Variants in DPP6 observed in about 807,000 individuals in gnomAD.
The protein encoded by DPP6 is A-type potassium channel modulatory protein DPP6.
DPP6 carries 69 observed loss-of-function variants against 122.6 expected under a neutral mutation model. The ratio of observed to expected loss-of-function variants is 0.56; its 90% CI spans 0.46 to 0.69. DPP6 has a LOEUF of 0.69. DPP6 is among the 30% of genes least tolerant of loss of function. The pLI is 0.00. For synonymous variants in DPP6, 418 were observed against 433.1 expected, an observed-to-expected ratio of 0.97 and a Z score of 0.43; for missense variants, 928 against 1,116.9, an observed-to-expected ratio of 0.83 and a Z score of 2.41.
At position 154,806,875 on chromosome 7, in the gene DPP6, G is replaced by T; in HGVS notation, c.1548-119G>T. 1.3e-5 allele frequency: 18 copies of T among 1,349,546 alleles called. No homozygotes were observed. In the South Asian group the frequency reaches 1.4e-4, roughly 10 times the overall value. 83.6% of individuals were successfully genotyped at this position (1,349,546 alleles called of 1,614,324 possible). ...GGGAGACAGAGGGAGAGGCCCGGGG[G>T]GTCTGTAGCAGGGCTCCGCAGATCA... On this transcript the variant is annotated intron_variant, in intron 15 of 25. Transcript: ENST00000377770.
In DPP6 at chr7:154,833,144, TCTCA is replaced by T. The variant is rs1435865413; in HGVS notation, c.1667-20630_1667-20627del. On this transcript the variant is annotated intron_variant, in intron 16 of 25. Coordinates refer to ENST00000377770, the MANE Select transcript of DPP6 (RefSeq NM_130797.4). The surrounding 1 kb of genome is among the most constrained non-coding windows in gnomAD (Gnocchi z 4.3). ...CTGAGACCTCTGCTAAGTGGAGGCA[TCTCA>T]CTCACGCCATGCAAGCAGCCTGGGC... Among the ~76,000 whole-genome samples, 1 of 151,896 alleles carries T rather than the reference TCTCA, an allele frequency of 6.6e-6. No individual in the cohort carries two copies. The highest frequency in any genetic ancestry group is 1.5e-5 in the Non-Finnish European group (1 of 68,024).
intron 1 of DPP6, among the ~76,000 whole-genome samples, chr7:153,965,567 C>T (rs531702336): frequency 9.5e-4 from 144 of 152,276 alleles, no homozygotes; most frequent in Admixed American, 2.5e-3. Flanking sequence ...GGTTGGAGCA[C>T]AGTGGCGCGA....
At chr7:153,770,205 G>A in the DPP6 span, among the ~76,000 whole-genome samples, 4 of 152,048 alleles carry the variant, frequency 2.6e-5, no homozygotes, top group Admixed American at 6.6e-5. Flanking sequence ...CCCTCAGGCC[G>A]AGATGAATAC....
At chr7:154,342,620 A>G (rs1022733220) in intron 1 of DPP6, among the ~76,000 whole-genome samples, 15 of 152,240 alleles carry the variant, frequency 9.9e-5, no homozygotes, top group African/African-American at 3.6e-4. Flanking sequence ...GATCCTGTGC[A>G]TTAACAGAAC....
At chr7:154,788,234 A>T (rs1432515784) in intron 10 of DPP6, among the ~76,000 whole-genome samples, 2 of 152,166 alleles carry the variant, frequency 1.3e-5, no homozygotes, top group East Asian at 1.9e-4. Context: ...AGTTGAAGTC[A>T]GGAGTTTGAG....
At chr7:154,521,804 C>T (rs968356737) in intron 3 of DPP6, among the ~76,000 whole-genome samples, 1 of 152,152 alleles carries the variant, frequency 6.6e-6, no homozygotes, top group Non-Finnish European at 1.5e-5. Flanking sequence ...CTCAGTCTAT[C>T]CACACACGCT....
intron 4 of DPP6, among the ~76,000 whole-genome samples, chr7:154,542,986 G>C (rs1334785141): frequency 6.6e-6 from 1 of 152,198 alleles, no homozygotes; most frequent in Admixed American, 6.5e-5. Context: ...TATGCTCTGT[G>C]TGTTTTCATG....
At chr7:154,854,940 C>T (rs1399787015) in intron 17 of DPP6, among the ~76,000 whole-genome samples, 1 of 152,154 alleles carries the variant, frequency 6.6e-6, no homozygotes, top group Non-Finnish European at 1.5e-5. Flanking sequence ...GGAACCCCTT[C>T]CCTGGCAGGA....
In DPP6 at chr7:154,876,279, T is replaced by A. The variant is rs141942191; in HGVS notation, c.2078+179T>A. On this transcript the variant is annotated intron_variant, in intron 20 of 25. Coordinates refer to ENST00000377770, the MANE Select transcript of DPP6 (RefSeq NM_130797.4). Reference sequence around the variant, plus strand: ...AGTTTCAAAGGAAACTTAGGAATCTTCTCCTAGGGACATTTATAACTAGTT... The same window carrying A: ...AGTTTCAAAGGAAACTTAGGAATCTACTCCTAGGGACATTTATAACTAGTT... 4.4e-4 allele frequency: 487 copies of A among 1,110,294 alleles called. 4 individuals are homozygous for A. In the African/African-American group the frequency reaches 6.7e-3, roughly 15 times the overall value. 68.8% of individuals were successfully genotyped at this position (1,110,294 alleles called of 1,614,324 possible).
At chr7:154,021,606 G>T (rs545530119) in intron 1 of DPP6, among the ~76,000 whole-genome samples, 1 of 152,212 alleles carries the variant, frequency 6.6e-6, no homozygotes, top group South Asian at 2.1e-4. Flanking sequence ...GTGTATGTGG[G>T]GCTGAAGGCT....
In DPP6 at chr7:154,877,912, G is replaced by A. The variant is rs1302976842; in HGVS notation, c.2078+1812G>A. On this transcript the variant is annotated intron_variant, in intron 20 of 25. Transcript: ENST00000377770. This position sits in a 1 kb window ranked among gnomAD's most constrained non-coding sequence, Gnocchi z 5.2. ...AAGGAGGATGGGTGGGTGGCTGCTGGGTCAGCAGCGGGCAGTGCCAGCCAC... is the reference window on the plus strand; with the variant it reads ...AAGGAGGATGGGTGGGTGGCTGCTGAGTCAGCAGCGGGCAGTGCCAGCCAC... Among the ~76,000 whole-genome samples the A allele has an allele frequency of 6.6e-6, 1 of 152,156 alleles. No homozygotes were observed. Among genetic ancestry groups the A allele is most frequent in the Non-Finnish European group, 1.5e-5 (1 of 68,012 alleles).
At chr7:154,329,716 G>C (rs572940646) in intron 1 of DPP6, among the ~76,000 whole-genome samples, 1 of 152,238 alleles carries the variant, frequency 6.6e-6, no homozygotes, top group South Asian at 2.1e-4. Flanking sequence ...ATTCTATAAG[G>C]ACACTTGCAC....
Position 153,972,532 on chromosome 7 carries a change from A to G in DPP6, c.51+84798A>G, listed in dbSNP as rs116505694. Among the ~76,000 whole-genome samples the G allele has an allele frequency of 5.9e-3, 894 of 150,592 alleles. 7 individuals are homozygous for G. Among genetic ancestry groups the G allele is most frequent in the African/African-American group, 0.021 (851 of 40,948 alleles). On this transcript the variant is annotated intron_variant, in intron 1 of 25. Transcript: ENST00000404039. ...AAGTATTTACAGACTGAAGCAATTTAGGCAGCATGCTCTAGTACTTCCAGT... is the reference window on the plus strand; with the variant it reads ...AAGTATTTACAGACTGAAGCAATTTGGGCAGCATGCTCTAGTACTTCCAGT...
At chr7:154,448,294 C>T (rs1820059192) in intron 2 of DPP6, among the ~76,000 whole-genome samples, 1 of 152,002 alleles carries the variant, frequency 6.6e-6, no homozygotes, top group African/African-American at 2.4e-5. Context: ...TATGAACAAT[C>T]CCAAAATAAA....
chr7:153,819,112 T>G, the DPP6 span, among the ~76,000 whole-genome samples: 1 of 116,704 alleles, frequency 8.6e-6, no homozygotes, highest in South Asian at 3.0e-4. Context: ...AGCTCAGAGG[T>G]GCATGTGCAG....
intron 10 of DPP6, among the ~76,000 whole-genome samples, chr7:154,776,719 G>A (rs979125458): frequency 2.0e-5 from 3 of 152,134 alleles, no homozygotes; most frequent in African/African-American, 7.2e-5. Flanking sequence ...CAGTTGTGCT[G>A]GTACCTTTCT....
chr7:154,582,143 G>A (rs1332675775), intron 5 of DPP6, among the ~76,000 whole-genome samples: 1 of 152,176 alleles, frequency 6.6e-6, no homozygotes, highest in East Asian at 1.9e-4. Flanking sequence ...TCGTCCTGGT[G>A]GAAACAGTCT....
intron 1 of DPP6, among the ~76,000 whole-genome samples, chr7:154,061,469 CT>C (rs1801867082): frequency 6.8e-6 from 1 of 146,756 alleles, no homozygotes; most frequent in Non-Finnish European, 1.5e-5. Context: ...GATGGCCCCC[CT>C]ATTAGAGGGC....
chr7:154,159,737 G>T (rs1203575479), intron 1 of DPP6, among the ~76,000 whole-genome samples: 1 of 152,272 alleles, frequency 6.6e-6, no homozygotes. Context: ...ACAAATACAG[G>T]GTCCTTCTAT....
Sources: gnomAD v4.1 joint callset for allele counts (sites outside exome capture counted in the v4.1 genomes callset) on GRCh38, gnomAD v4.1.1 for gene constraint, Gnocchi (gnomAD v3.1) non-coding constraint, MANE v1.5 for transcripts, NCBI Gene and HGNC (gene_info 2026-07-23, HGNC 2026-07-21) for gene names.